The following KIF6 variants were observed in gnomAD, a reference collection of about 807,000 sequenced individuals.
The protein encoded by KIF6 is kinesin-like protein KIF6.
A neutral mutation model predicts 112.7 loss-of-function variants in KIF6; 106 were observed. The ratio of observed to expected loss-of-function variants is 0.94; its 90% CI spans 0.80 to 1.11. The LOEUF is 1.11. KIF6 is among the 50% of genes least tolerant of loss of function. The pLI, the probability that KIF6 is intolerant of heterozygous loss-of-function variation, is 0.00. For synonymous variants in KIF6, 339 were observed against 339.9 expected (o/e 1.00, Z 0.03); for missense variants, 929 against 964.0 (o/e 0.96, Z 0.48).
At chr6:39,346,085 T>TCTCTCTC (rs1212794740) in intron 20 of KIF6, among the ~76,000 whole-genome samples, 341 of 21,580 alleles carry the variant, frequency 0.016, 58 homozygotes, top group Admixed American at 0.029. Flanking sequence ...TCTCTCTCTC[T>TCTCTCTC]CCCCCCCCTC....
At chr6:39,507,448 C>A (rs958990428) in intron 13 of KIF6, among the ~76,000 whole-genome samples, 12 of 152,130 alleles carry the variant, frequency 7.9e-5, no homozygotes, top group African/African-American at 2.4e-5. Context: ...AGGTCCTGAC[C>A]TTCCTAATAG....
At chr6:39,409,084 G>A (rs1224964686) in intron 15 of KIF6, among the ~76,000 whole-genome samples, 9 of 152,176 alleles carry the variant, frequency 5.9e-5, no homozygotes. Context: ...TTCATCTGTA[G>A]TAGGGGTATT....
Position 39,683,029 on chromosome 6 carries a change from A to G in KIF6, c.251+31663T>C, listed in dbSNP as rs145670021. Among the ~76,000 whole-genome samples the G allele has an allele frequency of 4.1e-4, 62 of 152,368 alleles. No individual in the cohort carries two copies. The South Asian group carries it at 4.6e-3, about 11-fold the overall frequency. ...ACAATCTTGTCTTATTTTAGGAAAC[A>G]AAAGAAAGCTGCTGAGCCTGGGCAA... On this transcript the variant is annotated intron_variant, in intron 3 of 22. Coordinates refer to ENST00000287152, the MANE Select transcript of KIF6 (RefSeq NM_145027.6).
chr6:39,643,641 C>T (rs984089586), intron 3 of KIF6, among the ~76,000 whole-genome samples: 3 of 152,064 alleles, frequency 2.0e-5, no homozygotes, highest in African/African-American at 4.8e-5. Context: ...AAAGCTGGAC[C>T]TCTACCTCAG....
intron 13 of KIF6, among the ~76,000 whole-genome samples, chr6:39,499,209 C>A (rs576010698): frequency 6.6e-6 from 1 of 152,214 alleles, no homozygotes; most frequent in Non-Finnish European, 1.5e-5. Context: ...GTTAAAACTG[C>A]ATGTATAAGG....
At chr6:39,719,155 C>A (rs1161205180) in intron 2 of KIF6, among the ~76,000 whole-genome samples, 9 of 152,086 alleles carry the variant, frequency 5.9e-5, no homozygotes, top group Non-Finnish European at 8.8e-5. Context: ...CCTGTCTCTA[C>A]TAAAAATACA....
At chr6:39,376,483 C>T (rs556477784) in intron 16 of KIF6, among the ~76,000 whole-genome samples, 1 of 152,330 alleles carries the variant, frequency 6.6e-6, no homozygotes, top group East Asian at 1.9e-4. Flanking sequence ...CCAACCACGT[C>T]ATTTTACAGA....
intron 3 of KIF6, among the ~76,000 whole-genome samples, chr6:39,670,869 A>T (rs1263263353): frequency 6.6e-6 from 1 of 152,184 alleles, no homozygotes; most frequent in East Asian, 1.9e-4. Context: ...ATATGAGGGC[A>T]TTGTAGATGT....
rs147536325 is a variant in KIF6, at chr6:39,532,056, C to T, written c.1645+7947G>A. 7.4e-4 allele frequency among the ~76,000 whole-genome samples: 113 copies of T among 152,222 alleles called. 1 individual carries two copies. Among genetic ancestry groups the T allele is most frequent in the African/African-American group, 2.7e-3 (112 of 41,538 alleles). Reference sequence around the variant, plus strand: ...CCTTCTAGCCACATTTCTACCTTCACCCCCGCTTTTGGGATTTTCCTGGTC... The same window carrying T: ...CCTTCTAGCCACATTTCTACCTTCATCCCCGCTTTTGGGATTTTCCTGGTC... On this transcript the variant is annotated intron_variant, in intron 13 of 22. Coordinates refer to ENST00000287152, the MANE Select transcript of KIF6 (RefSeq NM_145027.6).
intron 3 of KIF6, among the ~76,000 whole-genome samples, chr6:39,702,558 T>C (rs1582483078): frequency 6.6e-6 from 1 of 152,338 alleles, no homozygotes; most frequent in East Asian, 1.9e-4. Context: ...CATTTCAGTG[T>C]ATTGCTGTGC....
At chr6:39,566,651 T>C (rs1475575968) in intron 10 of KIF6, among the ~76,000 whole-genome samples, 3 of 152,182 alleles carry the variant, frequency 2.0e-5, no homozygotes. Flanking sequence ...TATACAAAAA[T>C]CATACAAATG....
Position 39,720,756 on chromosome 6 carries a change from G to A in KIF6, c.122C>T (p.Pro41Leu), listed in dbSNP as rs1346921062. 4.3e-6 allele frequency: 7 copies of A among 1,609,780 alleles called. No individual in the cohort carries two copies. The highest frequency in any genetic ancestry group is 5.1e-6 in the Non-Finnish European group (6 of 1,176,418). The stretch of plus-strand genomic sequence containing the variant: ...CACAAACCCATCTGCCAAATCACGT[G>A]GTAAGATGATTTCCAAGCTAGGTAT... ...KLIPSLEIIL[P>L]RDLADGFVNN... Residue 41 changes from proline (P) to leucine (L), a missense_variant, in exon 2 of 23, where the codon CCA (proline) becomes CTA (leucine). Coordinates refer to ENST00000287152, the MANE Select transcript of KIF6 (RefSeq NM_145027.6).
rs375061007 is a variant in KIF6, at chr6:39,503,149, CCA to C, written c.1645+36852_1645+36853del. Among the ~76,000 whole-genome samples the C allele has an allele frequency of 1.4e-4, 22 of 152,302 alleles. No individual in the cohort carries two copies. The East Asian group carries it at 3.9e-3, about 27-fold the overall frequency. Reference sequence around the variant, plus strand: ...AAATAATAACAAACCATCTCTCAGACCACAGCACAATCAAATTAGAACTCAAG... The same window carrying C: ...AAATAATAACAAACCATCTCTCAGACCAGCACAATCAAATTAGAACTCAAG... On this transcript the variant is annotated intron_variant, in intron 13 of 22. Transcript: ENST00000287152.
intron 2 of KIF6, among the ~76,000 whole-genome samples, chr6:39,716,936 C>T (rs185878921): frequency 1.3e-5 from 2 of 152,224 alleles, no homozygotes; most frequent in African/African-American, 4.8e-5. Context: ...ATGTCTAATC[C>T]ATCAGCAAAC....
At chr6:39,412,356 C>A (rs1041921920) in intron 15 of KIF6, among the ~76,000 whole-genome samples, 9 of 152,330 alleles carry the variant, frequency 5.9e-5, no homozygotes, top group African/African-American at 2.2e-4. Context: ...CATCTTTGCT[C>A]TTTTCGTCTC....
chr6:39,567,379 G>A (rs1780348507), intron 10 of KIF6, among the ~76,000 whole-genome samples: 1 of 152,160 alleles, frequency 6.6e-6, no homozygotes, highest in South Asian at 2.1e-4. Flanking sequence ...ACCATCTTAA[G>A]ATAGCTAGTC....
intron 7 of KIF6, among the ~76,000 whole-genome samples, chr6:39,591,108 G>A (rs546924991): frequency 6.6e-6 from 1 of 152,172 alleles, no homozygotes; most frequent in African/African-American, 2.4e-5. Context: ...CATGAGCGTG[G>A]GTCCTGGGCC....
intron 10 of KIF6, among the ~76,000 whole-genome samples, chr6:39,559,914 A>G (rs2150593953): frequency 6.6e-6 from 1 of 152,366 alleles, no homozygotes; most frequent in East Asian, 1.9e-4. Flanking sequence ...GAAAATAAAA[A>G]TATAAACTCT....
At chr6:39,400,060 C>T in intron 15 of KIF6, among the ~76,000 whole-genome samples, 1 of 152,228 alleles carries the variant, frequency 6.6e-6, no homozygotes, top group East Asian at 1.9e-4. Flanking sequence ...TGGGTACAGT[C>T]TGGGGACTTG....
Sources: gnomAD v4.1 joint callset for allele counts (sites outside exome capture counted in the v4.1 genomes callset) on GRCh38, gnomAD v4.1.1 for gene constraint, MANE v1.5 for transcripts, NCBI Gene and HGNC (gene_info 2026-07-23, HGNC 2026-07-21) for gene names.